The following IKBKE variants were observed in gnomAD, a reference collection of about 807,000 sequenced individuals.
IKBKE encodes inhibitor of nuclear factor kappa B kinase subunit epsilon, also known as inhibitor of nuclear factor kappa-B kinase subunit epsilon.
Under a neutral mutation model 92.1 loss-of-function variants are expected in IKBKE, and 45 were observed. The observed-to-expected ratio is 0.49, with a 90% CI of 0.38 to 0.63. The LOEUF (loss-of-function observed/expected upper bound fraction) is 0.63. IKBKE is among the 20% of genes least tolerant of loss of function. The probability of loss-of-function intolerance (pLI) is 0.00; values close to 1 mark genes in which losing one functional copy is unlikely to be tolerated. For synonymous variants in IKBKE, 374 were observed against 380.3 expected (o/e 0.98, Z 0.19); for missense variants, 700 against 932.8 (o/e 0.75, Z 3.25).
rs1665198762 is a variant in IKBKE at position 206,478,571 on chromosome 1, C to G, written c.992+232C>G. Among the ~76,000 whole-genome samples, 1 of 152,212 alleles carries G rather than the reference C, an allele frequency of 6.6e-6. No individual in the cohort carries two copies. The highest frequency in any genetic ancestry group is 1.5e-5 in the Non-Finnish European group (1 of 68,046). Reference sequence around the variant, plus strand: ...TCTAATGCTAATATGCATTATACATCTGAGAAGTGTGTGCGTGGTGTATGT... The same window carrying G: ...TCTAATGCTAATATGCATTATACATGTGAGAAGTGTGTGCGTGGTGTATGT... On this transcript the variant is annotated intron_variant, in intron 9 of 21. Coordinates refer to ENST00000581977, the MANE Select transcript of IKBKE (RefSeq NM_014002.4). The surrounding 1 kb of genome is among the most constrained non-coding windows in gnomAD (Gnocchi z 4.8).
At chr1:206,496,077 A>G in intron 21 of IKBKE, 35 bp from the exon 22 acceptor site, 1 of 1,595,700 alleles carries the variant, frequency 6.3e-7, no homozygotes, top group South Asian at 1.1e-5. Flanking sequence ...CCTCTCCAAC[A>G]GGTGGGCACT....
intron 21 of IKBKE, among the ~76,000 whole-genome samples, chr1:206,495,433 C>T (rs1666188418): frequency 6.6e-6 from 1 of 152,150 alleles, no homozygotes; most frequent in African/African-American, 2.4e-5. Flanking sequence ...TTACTTCTTC[C>T]CCAGAGGCCA....
At chr1:206,493,232 A>T in intron 19 of IKBKE, 34 bp from the exon 20 acceptor site, 2 of 1,589,512 alleles carry the variant, frequency 1.3e-6, no homozygotes, top group Non-Finnish European at 1.7e-6. Flanking sequence ...TAAGCTGGCT[A>T]CTAATTGCTG....
chr1:206,493,008 G>T lies in IKBKE; in HGVS notation c.1836-15G>T. The T allele has an allele frequency of 1.3e-6, 2 of 1,556,656 alleles. No homozygotes were observed. Among genetic ancestry groups the T allele is most frequent in the Non-Finnish European group, 1.7e-6 (2 of 1,148,962 alleles). Reference sequence around the variant, plus strand: ...AGTCCTGCTCTAATTCTAAGTCTCTGTGTGTTCTCTTGAGGGTGGTGCACG... The same window carrying T: ...AGTCCTGCTCTAATTCTAAGTCTCTTTGTGTTCTCTTGAGGGTGGTGCACG... On this transcript the variant is annotated splice_polypyrimidine_tract_variant and intron_variant, in intron 18 of 21. Transcript: ENST00000581977.
chr1:206,476,815 G>C lies in IKBKE; in HGVS notation c.678G>C (p.Gly226=), dbSNP rs1665090029. Residue 226 remains glycine (G), a synonymous_variant, in exon 7 of 22, where the codon GGG becomes GGC. Coordinates refer to ENST00000581977, the MANE Select transcript of IKBKE (RefSeq NM_014002.4). This position sits in a 1 kb window ranked among gnomAD's most constrained non-coding sequence, Gnocchi z 5.1. ...GCCTGCCCTTCATCCCCTTTGGTGG[G>C]CCACGGCGGAACAAGGAGATCATGT... ...TGSLPFIPFG[G]PRRNKEIMYR... The C allele has an allele frequency of 6.2e-7, 1 of 1,614,118 alleles. No homozygotes were observed. Among genetic ancestry groups the C allele is most frequent in the Non-Finnish European group, 8.5e-7 (1 of 1,180,048 alleles).
rs143560350 is a variant in IKBKE at position 206,482,103 on chromosome 1, A to C, written c.1427+1570A>C. Among the ~76,000 whole-genome samples, 237 of 152,224 alleles carry C rather than the reference A, an allele frequency of 1.6e-3. 1 individual carries two copies. Among genetic ancestry groups the C allele is most frequent in the Non-Finnish European group, 2.5e-3 (167 of 68,008 alleles). ...CTAGGATGAGGCTTTTAAGGCCAGAAAGAAGAAGAATACCTCAGGCAGGAA... is the reference window on the plus strand; with the variant it reads ...CTAGGATGAGGCTTTTAAGGCCAGACAGAAGAAGAATACCTCAGGCAGGAA... On this transcript the variant is annotated intron_variant, in intron 13 of 21. Coordinates refer to ENST00000581977, the MANE Select transcript of IKBKE (RefSeq NM_014002.4).
In IKBKE at chr1:206,478,424, C is replaced by A; in HGVS notation, c.992+85C>A. 7.4e-7 allele frequency: 1 copy of A among 1,350,160 alleles called. No homozygotes were observed. Among genetic ancestry groups the A allele is most frequent in the East Asian group, 2.3e-5 (1 of 43,480 alleles). The allele number at this position is 1,350,160 out of a possible 1,614,324, so 83.6% of individuals were successfully genotyped here. A position where few individuals can be genotyped will look rare whatever the true frequency, so the allele number is the denominator to read the frequency against. ...GTCCAAAGCAGCATCTCCCACAGTA[C>A]GTTCTGAGGAGTGTGTACATAGGAA... On this transcript the variant is annotated intron_variant, in intron 9 of 21. Transcript: ENST00000581977. This position sits in a 1 kb window ranked among gnomAD's most constrained non-coding sequence, Gnocchi z 4.8.
At chr1:206,494,283 T>C (rs17025011) in intron 21 of IKBKE, among the ~76,000 whole-genome samples, 11,791 of 152,246 alleles carry the variant, frequency 0.077, 1,183 homozygotes, top group African/African-American at 0.23. Flanking sequence ...TACTCTGTGC[T>C]CAAGCTGCCC....
chr1:206,492,445 A>G (rs1321378075), intron 18 of IKBKE: 9 of 471,202 alleles, frequency 1.9e-5, no homozygotes, highest in Non-Finnish European at 4.0e-5. Context: ...CAGAATACCA[A>G]TGCCTGCTTC....
At chr1:206,491,910 G>T (rs1315126418) in intron 18 of IKBKE, 161 bp downstream of exon 18, 4 of 565,072 alleles carry the variant, frequency 7.1e-6, no homozygotes, top group Non-Finnish European at 1.3e-5. Flanking sequence ...CAGGCAGTTG[G>T]CTGGGAGATT....
At chr1:206,492,518 G>C in intron 18 of IKBKE, 1 of 471,394 alleles carries the variant, frequency 2.1e-6, no homozygotes, top group Non-Finnish European at 4.4e-6. Flanking sequence ...GGATGTCAGT[G>C]TAGTACAGCT....
chr1:206,493,435 A>C (rs887131750), intron 20 of IKBKE, 57 bp downstream of exon 20: 1 of 1,319,062 alleles, frequency 7.6e-7, no homozygotes, highest in Non-Finnish European at 1.1e-6. Context: ...TGCAGGGAGC[A>C]GAGTATGCTG....
chr1:206,475,175 G>A, intron 5 of IKBKE, 181 bp downstream of exon 5: 1 of 618,394 alleles, frequency 1.6e-6, no homozygotes, highest in South Asian at 2.5e-5. Flanking sequence ...ATAGCCAAAA[G>A]GTGGAAACAT....
chr1:206,477,941 C>G, intron 8 of IKBKE, 82 bp downstream of exon 8: 1 of 1,045,762 alleles, frequency 9.6e-7, no homozygotes, highest in South Asian at 1.4e-5. Context: ...CTTCTGAGGC[C>G]TGTTCCAGCA....
intron 2 of IKBKE, among the ~76,000 whole-genome samples, chr1:206,471,571 C>G (rs907895305): frequency 6.6e-6 from 1 of 152,202 alleles, no homozygotes; most frequent in African/African-American, 2.4e-5. Flanking sequence ...AGCCCTTGGC[C>G]TTGATTTCAG....
chr1:206,488,717 G>A (rs1453096462), intron 16 of IKBKE, among the ~76,000 whole-genome samples: 1 of 152,204 alleles, frequency 6.6e-6, no homozygotes, highest in Non-Finnish European at 1.5e-5. Flanking sequence ...TCTGTAGGCT[G>A]AAGGTCTTGG....
In IKBKE at chr1:206,496,623, C is replaced by T. The variant is rs1666255127; in HGVS notation, c.*478C>T. On this transcript the variant is annotated 3_prime_UTR_variant, in exon 22 of 22. Transcript: ENST00000581977. ...CGTTTCATGTTGAACACAGCTCTCTCCGCTCCCTTGTGATTTCTGAGGGTC... is the reference window on the plus strand; with the variant it reads ...CGTTTCATGTTGAACACAGCTCTCTTCGCTCCCTTGTGATTTCTGAGGGTC... 4.2e-6 allele frequency: 1 copy of T among 237,310 alleles called. No homozygotes were observed. The highest frequency in any genetic ancestry group is 2.2e-5 in the African/African-American group (1 of 45,480). 14.7% of individuals were successfully genotyped at this position (237,310 alleles called of 1,614,324 possible).
chr1:206,493,281 T>C lies in IKBKE; in HGVS notation c.1948T>C (p.Ser650Pro), dbSNP rs1666046631. 1.2e-6 allele frequency: 2 copies of C among 1,613,726 alleles called. No individual in the cohort carries two copies. The highest frequency in any genetic ancestry group is 4.5e-5 in the East Asian group (2 of 44,888). The change falls in exon 20 of 22, where the codon TCT (serine) becomes CCT (proline). Residue 650 changes from serine (S) to proline (P), a missense_variant. Physicochemically the swap from Ser to Pro is moderately conservative, Grantham distance 74. Transcript: ENST00000581977. Reference sequence around the variant, plus strand: ...TTCCCTGCAGCTCCTGGAAGAGCTATCTCACCAGCTCCTTCAGGACCGAGC... The same window carrying C: ...TTCCCTGCAGCTCCTGGAAGAGCTACCTCACCAGCTCCTTCAGGACCGAGC... The part of the protein sequence containing the change: ...ESLSKLLEEL[S>P]HQLLQDRAKG...
At chr1:206,479,494 G>A (rs1316990716) in intron 10 of IKBKE, among the ~76,000 whole-genome samples, 1 of 152,166 alleles carries the variant, frequency 6.6e-6, no homozygotes, top group Non-Finnish European at 1.5e-5. Flanking sequence ...GAAGGGGGTC[G>A]GGGTCCAGAG....
Sources: gnomAD v4.1 joint callset for allele counts (sites outside exome capture counted in the v4.1 genomes callset) on GRCh38, gnomAD v4.1.1 for gene constraint, Gnocchi (gnomAD v3.1) non-coding constraint, MANE v1.5 for transcripts, NCBI Gene and HGNC (gene_info 2026-07-23, HGNC 2026-07-21) for gene names.